Variants in TG observed in about 807,000 individuals in gnomAD.
The protein encoded by TG is thyroid hormones.
In TG, 270 loss-of-function variants were observed where a neutral mutation model predicts 324.7. That is an observed-to-expected ratio of 0.83 (90% confidence interval 0.75 to 0.92). The LOEUF (loss-of-function observed/expected upper bound fraction) is 0.92, where lower values mean the gene tolerates loss of function less well. Ranked by LOEUF, TG falls within the 40% of genes least tolerant of loss-of-function variation. The pLI, the probability that TG is intolerant of heterozygous loss-of-function variation, is 0.00. For synonymous variants in TG, 1,401 were observed against 1,327.0 expected (o/e 1.06, Z -1.21); for missense variants, 3,591 against 3,456.4 (o/e 1.04, Z -0.98).
intron 41 of TG, chr8:133,037,252 C>T (rs1353459314): frequency 6.6e-6 from 1 of 152,164 alleles, no homozygotes; most frequent in Non-Finnish European, 1.5e-5. Flanking sequence ...GGGAGCTTCT[C>T]CTTCTCTGGC....
At chr8:133,004,513 G>A (rs1226388069) in intron 35 of TG, among the ~76,000 whole-genome samples, 3 of 152,210 alleles carry the variant, frequency 2.0e-5, no homozygotes, top group Non-Finnish European at 4.4e-5. Context: ...TGGTCTGGGG[G>A]AGTATCCTGT....
chr8:133,127,111 A>T (rs754985049), intron 45 of TG, among the ~76,000 whole-genome samples: 1 of 152,110 alleles, frequency 6.6e-6, no homozygotes, highest in Non-Finnish European at 1.5e-5. Flanking sequence ...CCCATGCAAA[A>T]CAGTGTCTTA....
chr8:132,898,139 C>T, intron 12 of TG, 30 bp from the exon 13 acceptor site: 2 of 1,575,812 alleles, frequency 1.3e-6, no homozygotes, highest in Non-Finnish European at 1.7e-6. Context: ...AGTGCAATTC[C>T]TGAATGTTCT....
rs1181490957 is a variant in TG, at chr8:133,060,193, C to A, written c.7239+30170C>A. On this transcript the variant is annotated intron_variant, in intron 41 of 47. Coordinates refer to ENST00000220616, the MANE Select transcript of TG (RefSeq NM_003235.5). ...TTTTTCCCTGGGGCCGCTGGTGATG[C>A]CCAGAGCCTGTGGTATAGGAGACAG... 15 of 1,613,292 alleles carry A rather than the reference C, an allele frequency of 9.3e-6. No homozygotes were observed. The Admixed American group carries it at 2.5e-4, about 27-fold the overall frequency.
chr8:133,064,901 G>A lies in TG; in HGVS notation c.7240-30143G>A, dbSNP rs79167208. Among the ~76,000 whole-genome samples the A allele has an allele frequency of 3.8e-3, 578 of 152,198 alleles. 3 individuals are homozygous for A. Among genetic ancestry groups the A allele is most frequent in the East Asian group, 0.017 (89 of 5,154 alleles). On this transcript the variant is annotated intron_variant, in intron 41 of 47. Coordinates refer to ENST00000220616, the MANE Select transcript of TG (RefSeq NM_003235.5). ...GGAGGGTAGCCCGAACCCCTTTATC[G>A]TGCACCGAAGGGGAGACAAATTGAG... is the stretch of plus-strand genomic sequence containing the variant.
chr8:133,061,919 A>G (rs147453783), intron 41 of TG, among the ~76,000 whole-genome samples: 103 of 152,342 alleles, frequency 6.8e-4, no homozygotes, highest in African/African-American at 2.4e-3. Context: ...TTAAGAAACA[A>G]GGAACACCAA....
intron 35 of TG, among the ~76,000 whole-genome samples, chr8:133,001,406 G>A (rs764261217): frequency 7.2e-5 from 11 of 152,306 alleles, no homozygotes; most frequent in South Asian, 2.1e-4. Flanking sequence ...AGGCCCAGGA[G>A]TGTCTGCTGC....
At chr8:132,974,940 A>G (rs566512369) in intron 34 of TG, among the ~76,000 whole-genome samples, 1 of 152,232 alleles carries the variant, frequency 6.6e-6, no homozygotes, top group South Asian at 2.1e-4. Flanking sequence ...CACCTTCAGC[A>G]TCCTGTGATT....
Position 132,882,674 on chromosome 8 carries a change from A to G in TG, c.889+62A>G. On this transcript the variant is annotated intron_variant, in intron 7 of 47. Transcript: ENST00000220616. ...TTAGGGGGACGCCTCTTGGGTTTCAAAGTTGCTATGGTGTGTGTGGCTGCT... is the reference window on the plus strand; with the variant it reads ...TTAGGGGGACGCCTCTTGGGTTTCAGAGTTGCTATGGTGTGTGTGGCTGCT... 6 of 1,613,854 alleles carry G rather than the reference A, an allele frequency of 3.7e-6. No homozygotes were observed. The South Asian group carries it at 4.4e-5, about 12-fold the overall frequency.
intron 41 of TG, among the ~76,000 whole-genome samples, chr8:133,055,196 G>T (rs1252334713): frequency 6.6e-6 from 1 of 152,106 alleles, no homozygotes; most frequent in African/African-American, 2.4e-5. Context: ...AAGTTGTCAG[G>T]GTTAGCATAA....
intron 35 of TG, chr8:132,995,231 C>T (rs1352540579): frequency 1.0e-6 from 1 of 957,062 alleles, no homozygotes; most frequent in Non-Finnish European, 1.2e-6. Flanking sequence ...CACCATGTTA[C>T]CTATTACCTA....
intron 25 of TG, 48 bp downstream of exon 25, chr8:132,935,912 G>A (rs760123266): frequency 6.9e-7 from 1 of 1,456,802 alleles, no homozygotes; most frequent in African/African-American, 1.4e-5. Flanking sequence ...GCTTCACACG[G>A]TCATGTTTGG....
chr8:133,036,228 A>G (rs546094532), intron 41 of TG, among the ~76,000 whole-genome samples: 38 of 152,334 alleles, frequency 2.5e-4, no homozygotes, highest in African/African-American at 9.1e-4. Flanking sequence ...CCTGCCTGCC[A>G]GGTGACTGCT....
chr8:132,966,649 T>C lies in TG; in HGVS notation c.5638T>C (p.Phe1880Leu). Residue 1880 changes from phenylalanine (F) to leucine (L), a missense_variant, in exon 30 of 48, where the codon TTC becomes CTC. Transcript: ENST00000220616. The part of the protein sequence containing the change: ...QSLSSQKHWL[F>L]KHLFSAQQAN... ...ACTATCCAGCCAGAAGCACTGGCTTTTCAAGCACCTGTTTTCAGCCCAGCA... is the reference window on the plus strand; with the variant it reads ...ACTATCCAGCCAGAAGCACTGGCTTCTCAAGCACCTGTTTTCAGCCCAGCA... The C allele has an allele frequency of 6.2e-7, 1 of 1,614,132 alleles. No homozygotes were observed. The highest frequency in any genetic ancestry group is 8.5e-7 in the Non-Finnish European group (1 of 1,179,996).
chr8:132,933,319 T>C, intron 23 of TG, among the ~76,000 whole-genome samples: 1 of 1,308 alleles, frequency 7.6e-4, no homozygotes, highest in South Asian at 0.025. Context: ...TGTGTGTGTC[T>C]GTGTGTCTTT....
chr8:132,939,680 G>T lies in TG; in HGVS notation c.5042-1671G>T, dbSNP rs954439419. Among the ~76,000 whole-genome samples, 167 of 147,340 alleles carry T rather than the reference G, an allele frequency of 1.1e-3. 1 individual carries two copies. The highest frequency in any genetic ancestry group is 3.9e-3 in the African/African-American group (151 of 38,854). On this transcript the variant is annotated intron_variant, in intron 25 of 47. Coordinates refer to ENST00000220616, the MANE Select transcript of TG (RefSeq NM_003235.5). ...TCTATGGGGTTTTTTTTTTTTGTTT[G>T]TTTGTTTGTTTTTTAAGATGGAGTC...
At chr8:133,023,309 ATT>A (rs33939013) in intron 40 of TG, among the ~76,000 whole-genome samples, 1 of 151,936 alleles carries the variant, frequency 6.6e-6, no homozygotes. Context: ...CAGATTTCAG[ATT>A]TTTTTTGATG....
intron 39 of TG, among the ~76,000 whole-genome samples, chr8:133,021,216 A>G (rs1184012114): frequency 6.6e-6 from 1 of 152,184 alleles, no homozygotes; most frequent in Non-Finnish European, 1.5e-5. Flanking sequence ...GCCCCATTGT[A>G]AACACTTGGC....
chr8:132,916,664 G>A (rs1389899852), intron 20 of TG, among the ~76,000 whole-genome samples: 1 of 152,160 alleles, frequency 6.6e-6, no homozygotes, highest in African/African-American at 2.4e-5. Context: ...CCAGGGAATT[G>A]GTGACGGCCA....
Sources: gnomAD v4.1 joint callset for allele counts (sites outside exome capture counted in the v4.1 genomes callset) on GRCh38, gnomAD v4.1.1 for gene constraint, MANE v1.5 for transcripts, NCBI Gene and HGNC (gene_info 2026-07-23, HGNC 2026-07-21) for gene names.